PIP5K1B: variants seen among roughly 807,000 people sequenced by gnomAD.
PIP5K1B encodes phosphatidylinositol-4-phosphate 5-kinase type 1 beta.
In PIP5K1B, 42 loss-of-function variants were observed where a neutral mutation model predicts 67.0. That is an observed-to-expected ratio of 0.63 (90% confidence interval 0.49 to 0.81). The LOEUF (loss-of-function observed/expected upper bound fraction) is 0.81, where lower values mean the gene tolerates loss of function less well. Ranked by LOEUF, PIP5K1B falls within the 30% of genes least tolerant of loss-of-function variation. The probability of loss-of-function intolerance (pLI) is 0.00; values close to 1 mark genes in which losing one functional copy is unlikely to be tolerated. For missense variants in PIP5K1B, 459 were observed against 646.3 expected, an observed-to-expected ratio of 0.71 and a Z score of 3.14; for synonymous variants, 214 against 231.4, an observed-to-expected ratio of 0.92 and a Z score of 0.68.
chr9:68,971,329 CTT>C (rs1296740129), intron 14 of PIP5K1B, among the ~76,000 whole-genome samples: 4 of 152,156 alleles, frequency 2.6e-5, no homozygotes, highest in Non-Finnish European at 4.4e-5. Context: ...TAAACTCACT[CTT>C]TTTTGTGGCT....
intron 1 of PIP5K1B, among the ~76,000 whole-genome samples, chr9:68,714,190 A>G (rs1827526212): frequency 6.6e-6 from 1 of 152,202 alleles, no homozygotes; most frequent in Non-Finnish European, 1.5e-5. Flanking sequence ...TCCCAAAGGC[A>G]CCTCAAATTC....
chr9:68,889,026 G>A lies in PIP5K1B; in HGVS notation c.364G>A (p.Ala122Thr), dbSNP rs758648256. Residue 122 changes from alanine to threonine, a missense_variant, in exon 7 of 16, where the codon GCC (alanine) becomes ACC (threonine). This residue lies in a region of PIP5K1B where 290 missense variants were observed against 474.4 expected (regional missense o/e 0.61). Transcript: ENST00000265382. ...TCTAATAGAACTGTCTAACCCTGGA[G>A]CCAGTGGATCCTTGTTTTTTGTGAC... Reference protein sequence around the residue: ...EPLIELSNPGASGSLFFVTSD... With the variant: ...EPLIELSNPGTSGSLFFVTSD... 8.7e-6 allele frequency: 14 copies of A among 1,612,174 alleles called. No individual in the cohort carries two copies. The highest frequency in any genetic ancestry group is 1.0e-5 in the Non-Finnish European group (12 of 1,178,388).
At chr9:68,777,100 T>C (rs960648276) in intron 2 of PIP5K1B, among the ~76,000 whole-genome samples, 3 of 152,204 alleles carry the variant, frequency 2.0e-5, no homozygotes, top group African/African-American at 7.2e-5. Context: ...AATAATAATA[T>C]TCCTGATCTT....
chr9:68,893,573 C>T (rs1274619877), intron 7 of PIP5K1B, among the ~76,000 whole-genome samples: 1 of 152,086 alleles, frequency 6.6e-6, no homozygotes, highest in Non-Finnish European at 1.5e-5. Flanking sequence ...ACCTCGTGAT[C>T]CACCCGCCTT....
At chr9:68,830,734 C>T (rs1236064876) in intron 4 of PIP5K1B, among the ~76,000 whole-genome samples, 6 of 152,184 alleles carry the variant, frequency 3.9e-5, no homozygotes, top group African/African-American at 1.4e-4. Flanking sequence ...GAATGGCAGG[C>T]GAGGAGGTTG....
intron 1 of PIP5K1B, among the ~76,000 whole-genome samples, chr9:68,721,633 A>T (rs1428313893): frequency 6.6e-6 from 1 of 152,136 alleles, no homozygotes; most frequent in Non-Finnish European, 1.5e-5. Context: ...TGATGGAGAC[A>T]CTGGCTGTGT....
chr9:68,844,422 T>C, intron 4 of PIP5K1B, among the ~76,000 whole-genome samples: 1 of 152,164 alleles, frequency 6.6e-6, no homozygotes, highest in Non-Finnish European at 1.5e-5. Flanking sequence ...GCACTTCCAC[T>C]TGTGTTGTAG....
At chr9:68,707,316 T>C (rs536910804) in intron 1 of PIP5K1B, among the ~76,000 whole-genome samples, 23 of 152,334 alleles carry the variant, frequency 1.5e-4, no homozygotes, top group African/African-American at 5.3e-4. Context: ...TGCATCAGTG[T>C]CTTGCAATTT....
intron 2 of PIP5K1B, among the ~76,000 whole-genome samples, chr9:68,747,466 T>C (rs950912977): frequency 1.3e-5 from 2 of 151,904 alleles, no homozygotes; most frequent in African/African-American, 2.4e-5. Flanking sequence ...TTTACACTAA[T>C]AATAATGGCT....
In PIP5K1B at chr9:68,923,187, G is replaced by A. The variant is rs1244029297; in HGVS notation, c.1117-115G>A. 2.7e-5 allele frequency: 19 copies of A among 710,484 alleles called. No individual in the cohort carries two copies. The South Asian group carries it at 2.9e-4, about 11-fold the overall frequency. 44.0% of individuals were successfully genotyped at this position (710,484 alleles called of 1,614,324 possible). A position where few individuals can be genotyped will look rare whatever the true frequency, so the allele number is the denominator to read the frequency against. On this transcript the variant is annotated intron_variant, in intron 11 of 15. Transcript: ENST00000265382. ...AGGACATTCCTGTTTTCTATCTCTG[G>A]GCCACCTTTGGTTAAGAATGTTGGC...
At chr9:68,931,430 A>C (rs925587389) in intron 12 of PIP5K1B, among the ~76,000 whole-genome samples, 1 of 152,188 alleles carries the variant, frequency 6.6e-6, no homozygotes, top group Non-Finnish European at 1.5e-5. Context: ...TCCTCCCTCA[A>C]TAATTTAATA....
intron 8 of PIP5K1B, among the ~76,000 whole-genome samples, chr9:68,901,731 A>C (rs527370894): frequency 2.6e-5 from 4 of 152,360 alleles, no homozygotes; most frequent in Admixed American, 6.5e-5. Flanking sequence ...CAACTCATAG[A>C]ATCAAAGATT....
At chr9:68,807,326 A>G (rs1251020889) in intron 2 of PIP5K1B, among the ~76,000 whole-genome samples, 1 of 152,202 alleles carries the variant, frequency 6.6e-6, no homozygotes, top group Non-Finnish European at 1.5e-5. Flanking sequence ...TTACGAATTA[A>G]GCTTATTCAC....
At chr9:68,718,911 T>G (rs1258539508) in intron 1 of PIP5K1B, among the ~76,000 whole-genome samples, 1 of 152,164 alleles carries the variant, frequency 6.6e-6, no homozygotes. Context: ...GAAAGTCCAT[T>G]GTGATTTTGG....
chr9:68,748,081 G>GGTAAACC (rs1162009285), intron 2 of PIP5K1B, among the ~76,000 whole-genome samples: 48 of 152,170 alleles, frequency 3.2e-4, no homozygotes, highest in East Asian at 2.5e-3. Context: ...CCCCTAATCT[G>GGTAAACC]CTTTCTGTTT....
chr9:68,840,191 A>C (rs916654442), intron 4 of PIP5K1B, among the ~76,000 whole-genome samples: 1 of 152,200 alleles, frequency 6.6e-6, no homozygotes, highest in African/African-American at 2.4e-5. Context: ...AGCCTGACCA[A>C]CATGGTGAAA....
intron 2 of PIP5K1B, among the ~76,000 whole-genome samples, chr9:68,765,751 G>A (rs1198015101): frequency 6.6e-6 from 1 of 152,130 alleles, no homozygotes; most frequent in Non-Finnish European, 1.5e-5. Flanking sequence ...GCCACTTTTT[G>A]TTATCTAAGT....
intron 2 of PIP5K1B, among the ~76,000 whole-genome samples, chr9:68,774,364 C>G (rs189496377): frequency 6.6e-6 from 1 of 152,102 alleles, no homozygotes; most frequent in Admixed American, 6.5e-5. Flanking sequence ...TCCACTGATA[C>G]TGTTGTGTGT....
chr9:68,841,133 A>G (rs550938129), intron 4 of PIP5K1B, among the ~76,000 whole-genome samples: 9 of 152,318 alleles, frequency 5.9e-5, no homozygotes, highest in South Asian at 4.1e-4. Flanking sequence ...TACCTTCAAT[A>G]CCTAAGTCTC....
Sources: gnomAD v4.1 joint callset for allele counts (sites outside exome capture counted in the v4.1 genomes callset) on GRCh38, gnomAD v4.1.1 for gene constraint, gnomAD v4.1.1 regional missense constraint, MANE v1.5 for transcripts, NCBI Gene and HGNC (gene_info 2026-07-23, HGNC 2026-07-21) for gene names.